The following SPTBN5 variants were observed in gnomAD, a reference collection of about 807,000 sequenced individuals.
SPTBN5 encodes spectrin beta, non-erythrocytic 5, also known as spectrin beta chain, non-erythrocytic 5.
Under a neutral mutation model 477.6 loss-of-function variants are expected in SPTBN5, and 513 were observed. The observed-to-expected ratio is 1.07, with a 90% CI of 1.00 to 1.16. The LOEUF (loss-of-function observed/expected upper bound fraction) is 1.16. Ranked by LOEUF, SPTBN5 falls within the 50% of genes most tolerant of loss-of-function variation. SPTBN5 has a pLI of 0.00. For missense variants in SPTBN5, 5,062 were observed against 4,731.8 expected, an observed-to-expected ratio of 1.07 and a Z score of -2.05; for synonymous variants, 2,169 against 2,011.7, an observed-to-expected ratio of 1.08 and a Z score of -2.09.
chr15:41,879,208 G>A (rs1259954598), intron 16 of SPTBN5, 52 bp downstream of exon 16: 21 of 1,564,876 alleles, frequency 1.3e-5, no homozygotes, highest in East Asian at 2.3e-5. Context: ...CCCTGCCCAC[G>A]CCTTCCCATG....
intron 66 of SPTBN5, chr15:41,850,547 T>G: frequency 2.5e-6 from 1 of 398,124 alleles, no homozygotes. Flanking sequence ...ACACAGTCCA[T>G]GAGGATTCTG....
Position 41,866,023 on chromosome 15 carries a change from C to G in SPTBN5, c.6822+15G>C. 6.4e-7 allele frequency: 1 copy of G among 1,550,704 alleles called. No homozygotes were observed. The highest frequency in any genetic ancestry group is 1.7e-4 in the Middle Eastern group (1 of 5,982). ...CTCCCCCCATCTCTCAGCCCCCACC[C>G]AGCTGGGGCTACACCTTCTCCTGGA... On this transcript the variant is annotated intron_variant, in intron 38 of 67. Transcript: ENST00000320955.
At chr15:41,893,878 T>C (rs945478506) in intron 1 of SPTBN5, 21 bp downstream of exon 1, 1 of 271,890 alleles carries the variant, frequency 3.7e-6, no homozygotes, top group Non-Finnish European at 7.1e-6. Flanking sequence ...ATGGAGATGG[T>C]AGATAGCAGG....
At chr15:41,876,052 T>C in intron 21 of SPTBN5, 62 bp downstream of exon 21, 1 of 1,552,794 alleles carries the variant, frequency 6.4e-7, no homozygotes, top group Middle Eastern at 1.8e-4. Flanking sequence ...AAACAGGTGG[T>C]GCAGTAGGGT....
Position 41,858,721 on chromosome 15 carries a change from G to C in SPTBN5, c.8107C>G (p.Leu2703Val), listed in dbSNP as rs377622495. The change falls in exon 49 of 68, where the codon CTG (leucine) becomes GTG (valine). Residue 2703 changes from leucine to valine, a missense_variant. Transcript: ENST00000320955. The stretch of plus-strand genomic sequence containing the variant: ...AGCAAACCCTCCTCCAAGGCCACCA[G>C]GTTCTTCTCCCTCAGCCACGCAGCC... ...EVAAWLREKN[L>V]VALEEGLLDT... 3 of 1,609,922 alleles carry C rather than the reference G, an allele frequency of 1.9e-6. No homozygotes were observed. Among genetic ancestry groups the C allele is most frequent in the Non-Finnish European group, 2.5e-6 (3 of 1,178,786 alleles).
At chr15:41,871,242 C>G (rs890954750) in intron 29 of SPTBN5, 133 bp downstream of exon 29, 5 of 1,082,788 alleles carry the variant, frequency 4.6e-6, no homozygotes, top group Middle Eastern at 3.3e-4. Flanking sequence ...GAGCTAGGCC[C>G]CCTGCAGAGC....
chr15:41,893,189 G>A, intron 2 of SPTBN5, 93 bp downstream of exon 2: 1 of 1,585,394 alleles, frequency 6.3e-7, no homozygotes, highest in Non-Finnish European at 8.6e-7. Flanking sequence ...CTTGGCCTCA[G>A]GCAGATGACC....
Position 41,866,863 on chromosome 15 carries a change from A to G in SPTBN5, c.6480+96T>C, listed in dbSNP as rs920958141. ...CTCTGGGAAAGCCATCCACCCCCGA[A>G]CCTGTTTCCGCCTCACAGTGTTGCG... On this transcript the variant is annotated intron_variant, in intron 36 of 67. Coordinates refer to ENST00000320955, the MANE Select transcript of SPTBN5 (RefSeq NM_016642.4). 5 of 1,419,104 alleles carry G rather than the reference A, an allele frequency of 3.5e-6. No individual in the cohort carries two copies. The East Asian group carries it at 1.0e-4, about 29-fold the overall frequency. The allele number at this position is 1,419,104 out of a possible 1,614,324, so 87.9% of individuals were successfully genotyped here.
At position 41,879,832 on chromosome 15, in the gene SPTBN5, GCCCTTTCCCAC is replaced by G. The variant is rs765702911; in HGVS notation, c.2833_2843del (p.Val945ProfsTer4). 18 of 1,613,844 alleles carry G rather than the reference GCCCTTTCCCAC, an allele frequency of 1.1e-5. No individual in the cohort carries two copies. The South Asian group carries it at 1.9e-4, about 17-fold the overall frequency. On this transcript the variant is annotated frameshift_variant, in exon 15 of 68. Transcript: ENST00000320955. LOFTEE classifies it high-confidence loss of function. ...CAGAGCTGCTGACCTCAGCCCAGAG[GCCCTTTCCCAC>G]AGCCAGGGCAGTGAGGAAGTTCTAG...
chr15:41,863,612 A>AG, intron 41 of SPTBN5, 92 bp downstream of exon 41: 2 of 984,914 alleles, frequency 2.0e-6, no homozygotes, highest in South Asian at 1.4e-5. Flanking sequence ...GAGGCCAGTG[A>AG]GGGGGGAGAC....
chr15:41,878,402 G>A lies in SPTBN5; in HGVS notation c.3410C>T (p.Ala1137Val). Residue 1137 changes from alanine to valine, a missense_variant, in exon 17 of 68, where the codon GCT becomes GTT. Transcript: ENST00000320955. ...TTGGTGCTCCCTCAGCAGCCGCTGAGCCGAGGCCACATCCACTGACACCTC... is the reference window on the plus strand; with the variant it reads ...TTGGTGCTCCCTCAGCAGCCGCTGAACCGAGGCCACATCCACTGACACCTC... ...SKEVSVDVAS[A>V]QRLLREHQDL... 6.2e-7 allele frequency: 1 copy of A among 1,613,700 alleles called. No individual in the cohort carries two copies. The highest frequency in any genetic ancestry group is 1.6e-4 in the Middle Eastern group (1 of 6,062).
At position 41,880,105 on chromosome 15, in the gene SPTBN5, C is replaced by T; in HGVS notation, c.2811+55G>A. The T allele has an allele frequency of 3.3e-6, 5 of 1,530,356 alleles. No homozygotes were observed. The South Asian group carries it at 6.5e-5, about 20-fold the overall frequency. 94.8% of individuals were successfully genotyped at this position (1,530,356 alleles called of 1,614,324 possible). ...TGGAAAACTGAGTCACAGCAGCAGA[C>T]CACAGGGAGGCAGGGGCAAGGCGAG... On this transcript the variant is annotated intron_variant, in intron 14 of 67. Transcript: ENST00000320955.
intron 59 of SPTBN5, 64 bp downstream of exon 59, chr15:41,853,194 T>C (rs1252605095): frequency 1.3e-6 from 2 of 1,532,346 alleles, no homozygotes; most frequent in African/African-American, 1.4e-5. Flanking sequence ...TGAGGGGCCC[T>C]GAGGCCCTGG....
rs2066740667 is a variant in SPTBN5, at chr15:41,876,653, G to C, written c.3852-6C>G. 1.3e-6 allele frequency: 2 copies of C among 1,502,896 alleles called. No individual in the cohort carries two copies. The highest frequency in any genetic ancestry group is 2.4e-5 in the East Asian group (1 of 41,192). 93.1% of individuals were successfully genotyped at this position (1,502,896 alleles called of 1,614,324 possible). A position where few individuals can be genotyped will look rare whatever the true frequency, so the allele number is the denominator to read the frequency against. On this transcript the variant is annotated splice_polypyrimidine_tract_variant and splice_region_variant and intron_variant, in intron 19 of 67. Transcript: ENST00000320955. ...TCTGCAGCTGCTCTCTGACCCTGGA[G>C]GGCGGGGGGGGGTTGGAGGAGGGCA...
chr15:41,879,755 T>C lies in SPTBN5; in HGVS notation c.2921A>G (p.Gln974Arg). The change falls in exon 15 of 68, where the codon CAG (glutamine) becomes CGG (arginine). Residue 974 changes from glutamine (Q) to arginine (R), a missense_variant. Transcript: ENST00000320955. ...YPGNSTQIQRQQEELSQRWGQ... is the reference protein window; with the variant it reads ...YPGNSTQIQRRQEELSQRWGQ... ...TCACCTCTGGCTCAGTTCCTCCTGC[T>C]GTCGTTGGATTTGTGTGGAGTTCCC... The C allele has an allele frequency of 3.7e-6, 6 of 1,613,980 alleles. No individual in the cohort carries two copies. Among genetic ancestry groups the C allele is most frequent in the Non-Finnish European group, 5.1e-6 (6 of 1,179,900 alleles).
At position 41,883,480 on chromosome 15, in the gene SPTBN5, C is replaced by T. The variant is rs1392538331; in HGVS notation, c.1527G>A (p.Glu509=). Residue 509 remains glutamate (E), a synonymous_variant, in exon 8 of 68, where the codon GAG becomes GAA. Transcript: ENST00000320955. ...GCCTCTGCCAGCGCACGGTAACTTC[C>T]TCCTGCCTAGAGGATATGAGAATAA... ...HSWADVARRQ[E]EVTVRWQRLL... The T allele has an allele frequency of 6.2e-7, 1 of 1,613,726 alleles. No homozygotes were observed. Among genetic ancestry groups the T allele is most frequent in the Admixed American group, 1.7e-5 (1 of 60,014 alleles).
At chr15:41,850,477 C>G (rs2065716262) in intron 66 of SPTBN5, 1 of 253,000 alleles carries the variant, frequency 4.0e-6, no homozygotes, top group African/African-American at 2.2e-5. Flanking sequence ...TGTCTGAGGA[C>G]TAGAAGGTTA....
Position 41,887,941 on chromosome 15 carries a change from T to G in SPTBN5, c.646A>C (p.Ile216Leu), listed in dbSNP as rs758861657. 5 of 1,609,714 alleles carry G rather than the reference T, an allele frequency of 3.1e-6. No homozygotes were observed. The African/African-American group carries it at 6.7e-5, about 22-fold the overall frequency. Residue 216 changes from isoleucine (I) to leucine (L), a missense_variant, in exon 5 of 68, where the codon ATC becomes CTC. Transcript: ENST00000320955. ...WSDGLGFNAL[I>L]HAHRPDLLDY... is the part of the protein sequence containing the mutation. ...GTGGGGTCACACCTGTGGGCATGGA[T>G]GAGGGCATTGAAGCCCAGCCCATCG... is the stretch of plus-strand genomic sequence containing the variant.
intron 3 of SPTBN5, 38 bp from the exon 4 acceptor site, chr15:41,890,243 A>T (rs2067269635): frequency 4.1e-6 from 6 of 1,466,028 alleles, no homozygotes; most frequent in Non-Finnish European, 5.7e-6. Flanking sequence ...CATGAAGCCC[A>T]TGTCCAGAGA....
Sources: gnomAD v4.1 joint callset for allele counts on GRCh38, gnomAD v4.1.1 for gene constraint, MANE v1.5 for transcripts, NCBI Gene and HGNC (gene_info 2026-07-23, HGNC 2026-07-21) for gene names.